Variants in DNAH3 observed in about 807,000 individuals in gnomAD.
The protein encoded by DNAH3 is dynein axonemal heavy chain 3, also known as axonemal beta dynein heavy chain 3.
DNAH3 carries 332 observed loss-of-function variants against 432.5 expected under a neutral mutation model. That is an observed-to-expected ratio of 0.77 (90% CI 0.70 to 0.84). The LOEUF is 0.84. Ranked by LOEUF, DNAH3 falls within the 40% of genes least tolerant of loss-of-function variation. The pLI is 0.00. For missense variants in DNAH3, 4,861 were observed against 5,114.0 expected, an observed-to-expected ratio of 0.95 and a Z score of 1.51; for synonymous variants, 1,956 against 1,900.2, an observed-to-expected ratio of 1.03 and a Z score of -0.76.
chr16:21,085,043 G>C (rs2091317937), intron 19 of DNAH3, among the ~76,000 whole-genome samples: 1 of 151,012 alleles, frequency 6.6e-6, no homozygotes, highest in South Asian at 2.1e-4. Context: ...CCAGCTGACA[G>C]CAACTCCTCC....
intron 7 of DNAH3, among the ~76,000 whole-genome samples, chr16:21,131,947 A>G (rs1053559244): frequency 6.6e-6 from 1 of 152,206 alleles, no homozygotes; most frequent in East Asian, 1.9e-4. Context: ...CTCTCAAATT[A>G]TACTATTAAT....
At chr16:21,157,018 C>CACACAA (rs1229409017) in intron 1 of DNAH3, among the ~76,000 whole-genome samples, 1 of 151,974 alleles carries the variant, frequency 6.6e-6, no homozygotes, top group Non-Finnish European at 1.5e-5. Flanking sequence ...CACACACACA[C>CACACAA]ACACACAATC....
chr16:21,125,363 G>A (rs2092425976), exon 9 of DNAH3: 2 of 1,600,178 alleles, frequency 1.2e-6, no homozygotes, highest in Non-Finnish European at 1.7e-6. Context: ...GCGCAGGTGG[G>A]GATCCACCTG....
intron 1 of DNAH3, among the ~76,000 whole-genome samples, chr16:21,156,209 AT>A (rs554254638): frequency 2.1e-4 from 31 of 146,230 alleles, no homozygotes; most frequent in African/African-American, 7.4e-4. Flanking sequence ...TATTTATTTT[AT>A]TTTATTTTAT....
chr16:20,987,202 G>A (rs1485499648), intron 47 of DNAH3, 103 bp downstream of exon 47: 2 of 1,398,292 alleles, frequency 1.4e-6, no homozygotes, highest in Non-Finnish European at 2.0e-6. Flanking sequence ...TCAGAGTGCA[G>A]AGCTGGCAGT....
chr16:21,137,651 G>C lies in DNAH3; in HGVS notation c.697-1138C>G, dbSNP rs190616177. Among the ~76,000 whole-genome samples the C allele has an allele frequency of 1.6e-3, 241 of 152,030 alleles. 2 individuals are homozygous for C. The highest frequency in any genetic ancestry group is 1.3e-3 in the Non-Finnish European group (91 of 68,004). On this transcript the variant is annotated intron_variant, in intron 5 of 61. Transcript: ENST00000261383. ...TTGGCCAGGCTGGTCTCAAACTCCTGACCTCAGGTGATCCACCCACCTTGG... is the reference window on the plus strand; with the variant it reads ...TTGGCCAGGCTGGTCTCAAACTCCTCACCTCAGGTGATCCACCCACCTTGG...
At chr16:21,146,640 A>G (rs1308785506) in intron 1 of DNAH3, among the ~76,000 whole-genome samples, 1 of 152,206 alleles carries the variant, frequency 6.6e-6, no homozygotes, top group Non-Finnish European at 1.5e-5. Context: ...GTTCAAGAAT[A>G]CAATATATTG....
exon 25 of DNAH3, chr16:21,062,650 T>C (rs1567723470): frequency 6.2e-7 from 1 of 1,613,774 alleles, no homozygotes; most frequent in Non-Finnish European, 8.5e-7. Flanking sequence ...CGGACAAGAT[T>C]TCCAGCAGCT....
At chr16:21,091,739 C>T (rs2091541501) in intron 18 of DNAH3, among the ~76,000 whole-genome samples, 2 of 152,008 alleles carry the variant, frequency 1.3e-5, no homozygotes, top group Admixed American at 6.6e-5. Flanking sequence ...TCACTTGAAC[C>T]CAGGAGGTGG....
At chr16:21,097,133 C>G (rs1324374782) in intron 18 of DNAH3, among the ~76,000 whole-genome samples, 2 of 152,182 alleles carry the variant, frequency 1.3e-5, no homozygotes, top group African/African-American at 2.4e-5. Flanking sequence ...CTCTGGGTGG[C>G]TGCCTATTGT....
In DNAH3 at chr16:21,051,863, C is replaced by A. The variant is rs143443640; in HGVS notation, c.4045G>T (p.Asp1349Tyr). The change falls in exon 29 of 62, where the codon GAC becomes TAC. Residue 1349 changes from aspartate (D) to tyrosine (Y), a missense_variant. Transcript: ENST00000261383. ...TCCTCAGATAACTTGGCCACCACGT[C>A]GCGGGCTGTTGGGACACAGATGCAG... is the stretch of plus-strand genomic sequence containing the variant. 3 of 1,614,166 alleles carry A rather than the reference C, an allele frequency of 1.9e-6. No individual in the cohort carries two copies. In the South Asian group the frequency reaches 3.3e-5, roughly 18 times the overall value.
At chr16:21,131,504 A>AGAAGGAAGGAAG (rs1243332610) in intron 7 of DNAH3, among the ~76,000 whole-genome samples, 16 of 139,284 alleles carry the variant, frequency 1.1e-4, no homozygotes, top group African/African-American at 3.3e-4. Flanking sequence ...GAGATGAGAG[A>AGAAGGAAGGAAG]GAAGGAAGGA....
chr16:20,940,026 C>T (rs569338969), intron 59 of DNAH3, among the ~76,000 whole-genome samples: 1 of 152,346 alleles, frequency 6.6e-6, no homozygotes, highest in South Asian at 2.1e-4. Context: ...CATGGCCAGC[C>T]TATAATACCC....
At chr16:21,007,410 G>C (rs147822128) in intron 41 of DNAH3, among the ~76,000 whole-genome samples, 1 of 151,760 alleles carries the variant, frequency 6.6e-6, no homozygotes, top group Non-Finnish European at 1.5e-5. Context: ...ATGGGGTTTC[G>C]CCATGTTGCC....
intron 19 of DNAH3, 59 bp downstream of exon 19, chr16:21,086,790 G>A (rs2091387993): frequency 1.4e-6 from 2 of 1,471,574 alleles, no homozygotes; most frequent in Non-Finnish European, 1.9e-6. Context: ...CCTTCCCAAG[G>A]ACAGTCAGGG....
intron 60 of DNAH3, 73 bp from the exon 61 acceptor site, chr16:20,935,558 G>A (rs925039645): frequency 4.3e-5 from 65 of 1,501,788 alleles, no homozygotes; most frequent in East Asian, 4.2e-4. Flanking sequence ...GTAATGTAAC[G>A]AGTACCATAT....
exon 43 of DNAH3, chr16:21,000,361 G>T: frequency 6.2e-7 from 1 of 1,614,180 alleles, no homozygotes; most frequent in Non-Finnish European, 8.5e-7. Flanking sequence ...GGGTAGGTAC[G>T]TATTTTTGGG....
chr16:21,129,019 C>G (rs2092502191), intron 7 of DNAH3, among the ~76,000 whole-genome samples: 1 of 152,152 alleles, frequency 6.6e-6, no homozygotes, highest in Non-Finnish European at 1.5e-5. Flanking sequence ...AAGTCAGATT[C>G]TATCTGCTCC....
chr16:21,049,584 C>T (rs1399583256), exon 31 of DNAH3: 3 of 1,613,988 alleles, frequency 1.9e-6, no homozygotes, highest in Non-Finnish European at 2.5e-6. Flanking sequence ...TCCTGTTGAA[C>T]TCATCAAAGC....
Sources: gnomAD v4.1 joint callset for allele counts (sites outside exome capture counted in the v4.1 genomes callset) on GRCh38, gnomAD v4.1.1 for gene constraint, MANE v1.5 for transcripts, NCBI Gene and HGNC (gene_info 2026-07-23, HGNC 2026-07-21) for gene names.